RPTOR: variants seen among roughly 807,000 people sequenced by gnomAD.
RPTOR encodes regulatory associated protein of MTOR complex 1.
In RPTOR, 21 loss-of-function variants were observed where a neutral mutation model predicts 169.9. The observed-to-expected ratio is 0.12, with a 90% CI of 0.09 to 0.18. The LOEUF (loss-of-function observed/expected upper bound fraction) is 0.18. Among genes scored for constraint, RPTOR ranks in the 10% least tolerant of loss-of-function variants. The pLI is 1.00. For missense variants in RPTOR, 1,133 were observed against 1,855.9 expected, an observed-to-expected ratio of 0.61 and a Z score of 7.16; for synonymous variants, 732 against 753.2, an observed-to-expected ratio of 0.97 and a Z score of 0.46.
Position 80,634,639 on chromosome 17 carries a change from G to T in RPTOR, c.265+8846G>T, listed in dbSNP as rs371216385. Among the ~76,000 whole-genome samples the T allele has an allele frequency of 6.1e-5, 8 of 131,086 alleles. 1 individual carries two copies. The South Asian group carries it at 2.0e-3, about 33-fold the overall frequency. The allele number at this position is 131,086 out of a possible 152,430, so 86.0% of individuals were successfully genotyped here. ...CTGTGTGCGTGTGCGTACTGTGTGT[G>T]TGCATACTGTATGTGCGTACTGTGT... On this transcript the variant is annotated intron_variant, in intron 2 of 33. Transcript: ENST00000306801.
At chr17:80,762,803 G>T (rs2066748389) in intron 6 of RPTOR, among the ~76,000 whole-genome samples, 1 of 151,806 alleles carries the variant, frequency 6.6e-6, no homozygotes. Context: ...AACATGAGAG[G>T]CAGAGACAAA....
chr17:80,772,523 TC>T (rs1188012996), intron 6 of RPTOR, among the ~76,000 whole-genome samples: 1 of 35,324 alleles, frequency 2.8e-5, no homozygotes, highest in Admixed American at 2.9e-4. Context: ...CCCCTTCCCC[TC>T]CCCCCCACAT....
intron 7 of RPTOR, among the ~76,000 whole-genome samples, chr17:80,809,099 A>G (rs2067247501): frequency 6.6e-6 from 1 of 152,252 alleles, no homozygotes; most frequent in Non-Finnish European, 1.5e-5. Flanking sequence ...TGTTTTCCAA[A>G]GTGGTTTGCT....
intron 1 of RPTOR, among the ~76,000 whole-genome samples, chr17:80,557,104 A>G (rs1363419753): frequency 6.6e-6 from 1 of 151,220 alleles, no homozygotes; most frequent in Non-Finnish European, 1.5e-5. Flanking sequence ...TCATTGTTCC[A>G]TTCTGAAGAG....
chr17:80,834,095 C>T (rs185283943), intron 9 of RPTOR, among the ~76,000 whole-genome samples: 10 of 152,322 alleles, frequency 6.6e-5, no homozygotes, highest in East Asian at 1.9e-4. Context: ...CCCACGGCCC[C>T]GAGAGGGCCT....
At chr17:80,809,716 G>A (rs946411822) in intron 7 of RPTOR, among the ~76,000 whole-genome samples, 1 of 152,070 alleles carries the variant, frequency 6.6e-6, no homozygotes, top group African/African-American at 2.4e-5. Context: ...GAACATTTTT[G>A]CTAAGTCTGT....
intron 17 of RPTOR, among the ~76,000 whole-genome samples, chr17:80,889,346 G>A (rs1264096062): frequency 6.6e-6 from 1 of 152,216 alleles, no homozygotes; most frequent in Non-Finnish European, 1.5e-5. Flanking sequence ...ACAGGTGAAA[G>A]TATGAGTCCA....
intron 6 of RPTOR, among the ~76,000 whole-genome samples, chr17:80,776,619 C>T (rs1404624090): frequency 2.0e-5 from 3 of 152,134 alleles, no homozygotes; most frequent in East Asian, 1.9e-4. Flanking sequence ...TCACTGTGCC[C>T]GGCGCTGCCA....
chr17:80,886,715 G>A (rs117032796), intron 17 of RPTOR, among the ~76,000 whole-genome samples: 8 of 152,306 alleles, frequency 5.3e-5, no homozygotes, highest in East Asian at 1.9e-4. Flanking sequence ...GCGGTCCGGC[G>A]TCACTCGCCT....
Position 80,646,472 on chromosome 17 carries a change from C to T in RPTOR, c.348+2662C>T, listed in dbSNP as rs925784771. On this transcript the variant is annotated intron_variant, in intron 3 of 33. Transcript: ENST00000306801. This position sits in a 1 kb window ranked among gnomAD's most constrained non-coding sequence, Gnocchi z 5.0. ...AGGGAGGGAGGCCTGGCATAGATAG[C>T]GTGGCTCTCAGTGTGGGGCAGACCT... 5.3e-5 allele frequency among the ~76,000 whole-genome samples: 8 copies of T among 152,274 alleles called. No individual in the cohort carries two copies. The East Asian group carries it at 1.2e-3, about 22-fold the overall frequency.
intron 1 of RPTOR, among the ~76,000 whole-genome samples, chr17:80,598,543 G>A (rs2065160375): frequency 6.6e-6 from 1 of 152,208 alleles, no homozygotes; most frequent in Admixed American, 6.5e-5. Flanking sequence ...GGGTGAGAGA[G>A]TCCTCAGGAA....
chr17:80,765,112 G>T (rs1460976420), intron 6 of RPTOR, among the ~76,000 whole-genome samples: 1 of 152,174 alleles, frequency 6.6e-6, no homozygotes, highest in Non-Finnish European at 1.5e-5. Context: ...AAAATGAAGA[G>T]AGCGAATCTG....
chr17:80,654,774 G>C (rs1210340933), intron 3 of RPTOR, among the ~76,000 whole-genome samples: 2 of 152,140 alleles, frequency 1.3e-5, no homozygotes, highest in Non-Finnish European at 2.9e-5. Flanking sequence ...CCAAGAAGAA[G>C]GCACAGATAA....
At chr17:80,723,698 T>C (rs1276160307) in intron 4 of RPTOR, among the ~76,000 whole-genome samples, 1 of 151,378 alleles carries the variant, frequency 6.6e-6, no homozygotes, top group Non-Finnish European at 1.5e-5. Flanking sequence ...CTAGGCCCTC[T>C]CCGTGGACTT....
intron 5 of RPTOR, among the ~76,000 whole-genome samples, chr17:80,742,377 A>T (rs965388476): frequency 6.6e-5 from 10 of 152,146 alleles, no homozygotes; most frequent in African/African-American, 2.4e-4. Flanking sequence ...GGATGGCAGC[A>T]CATGCATGCA....
Position 80,820,650 on chromosome 17 carries a change from G to A in RPTOR, c.891-1551G>A, listed in dbSNP as rs2067369921. Among the ~76,000 whole-genome samples the A allele has an allele frequency of 6.6e-6, 1 of 152,318 alleles. No homozygotes were observed. The highest frequency in any genetic ancestry group is 2.4e-5 in the African/African-American group (1 of 41,574). On this transcript the variant is annotated intron_variant, in intron 7 of 33. Transcript: ENST00000306801. The surrounding 1 kb of genome is among the most constrained non-coding windows in gnomAD (Gnocchi z 4.1). ...CCCCTGCTCGGAGGTCGGAGGGCAG[G>A]CAGCCTGGCCATTCCTCCTGCGCAC...
At chr17:80,663,468 G>C (rs1187162188) in intron 3 of RPTOR, among the ~76,000 whole-genome samples, 1 of 152,122 alleles carries the variant, frequency 6.6e-6, no homozygotes, top group African/African-American at 2.4e-5. Flanking sequence ...GCACTCTGGA[G>C]ACATGGAAGC....
chr17:80,568,904 CCT>C (rs2064873867), intron 1 of RPTOR, among the ~76,000 whole-genome samples: 1 of 152,168 alleles, frequency 6.6e-6, no homozygotes, highest in Non-Finnish European at 1.5e-5. Flanking sequence ...GTCTTGAACT[CCT>C]GGGCTGAAGT....
At chr17:80,910,089 C>T (rs1396017472) in intron 21 of RPTOR, among the ~76,000 whole-genome samples, 11 of 152,166 alleles carry the variant, frequency 7.2e-5, no homozygotes, top group African/African-American at 2.7e-4. Context: ...AGGGGCCTCT[C>T]CTGCAGACCT....
Sources: allele counts gnomAD v4.1 joint callset (sites outside exome capture counted in the v4.1 genomes callset), GRCh38; gene constraint gnomAD v4.1.1; non-coding constraint Gnocchi (gnomAD v3.1); transcripts MANE v1.5; gene names NCBI Gene and HGNC (gene_info 2026-07-23, HGNC 2026-07-21).